Variants in WDR45B observed in about 807,000 individuals in gnomAD.
WDR45B encodes the protein WD repeat domain 45B.
In WDR45B, 20 loss-of-function variants were observed where a neutral mutation model predicts 44.6. That is an observed-to-expected ratio of 0.45 (90% CI 0.32 to 0.65). The LOEUF is 0.65. Ranked by LOEUF, WDR45B falls within the 30% of genes least tolerant of loss-of-function variation. WDR45B has a pLI of 0.05. For missense variants in WDR45B, 323 were observed against 430.2 expected, an observed-to-expected ratio of 0.75 and a Z score of 2.20; for synonymous variants, 169 against 164.9, an observed-to-expected ratio of 1.02 and a Z score of -0.19.
intron 6 of WDR45B, 123 bp from the exon 7 acceptor site, chr17:82,619,251 TCTACTACTTAA>T: frequency 3.7e-6 from 2 of 542,280 alleles, no homozygotes; most frequent in Non-Finnish European, 6.1e-6. Context: ...ACCCACATCA[TCTACTACTTAA>T]CTTTCTCCTC....
rs1392750765 is a variant in WDR45B at position 82,615,742 on chromosome 17, C to T, written c.*177G>A. 1 of 643,668 alleles carries T rather than the reference C, an allele frequency of 1.6e-6. No individual in the cohort carries two copies. Among genetic ancestry groups the T allele is most frequent in the African/African-American group, 1.8e-5 (1 of 54,778 alleles). The allele number at this position is 643,668 out of a possible 1,614,324, so 39.9% of individuals were successfully genotyped here. A position where few individuals can be genotyped will look rare whatever the true frequency, so the allele number is the denominator to read the frequency against. ...CCTACGGTGCCTTGATGATGATTCTCTCTTTAATACTGGAAATGGGAGTCC... is the reference window on the plus strand; with the variant it reads ...CCTACGGTGCCTTGATGATGATTCTTTCTTTAATACTGGAAATGGGAGTCC... On this transcript the variant is annotated 3_prime_UTR_variant, in exon 10 of 10. Coordinates refer to ENST00000392325, the MANE Select transcript of WDR45B (RefSeq NM_019613.4).
intron 2 of WDR45B, among the ~76,000 whole-genome samples, chr17:82,632,217 A>G (rs1247347054): frequency 6.6e-6 from 1 of 152,080 alleles, no homozygotes; most frequent in Non-Finnish European, 1.5e-5. Flanking sequence ...GCTTGAGTGC[A>G]GTGAAGTGAT....
At chr17:82,635,916 C>T (rs112247815) in intron 2 of WDR45B, among the ~76,000 whole-genome samples, 15,955 of 151,582 alleles carry the variant, frequency 0.11, 964 homozygotes, top group Non-Finnish European at 0.12. Context: ...GGAAAACCCC[C>T]GTCTCTACTA....
In WDR45B at chr17:82,644,047, C is replaced by T. The variant is rs753211313; in HGVS notation, c.68-24G>A. The T allele has an allele frequency of 3.1e-6, 5 of 1,612,254 alleles. No individual in the cohort carries two copies. The African/African-American group carries it at 6.7e-5, about 22-fold the overall frequency. ...TCCTAAAGCAGAAGTGTAAAAGAGACATTAATCCCCAGGCCTGGAGTGGTT... is the reference window on the plus strand; with the variant it reads ...TCCTAAAGCAGAAGTGTAAAAGAGATATTAATCCCCAGGCCTGGAGTGGTT... On this transcript the variant is annotated intron_variant, in intron 1 of 9. Coordinates refer to ENST00000392325, the MANE Select transcript of WDR45B (RefSeq NM_019613.4).
chr17:82,648,407 C>A lies in WDR45B; in HGVS notation c.-67G>T, dbSNP rs1349269830. ...CTCTCGCTGGGGACGGCGGCCTGGTCCCTTCGGGCCGGCGCTGAGGCCGCC... is the reference window on the plus strand; with the variant it reads ...CTCTCGCTGGGGACGGCGGCCTGGTACCTTCGGGCCGGCGCTGAGGCCGCC... On this transcript the variant is annotated 5_prime_UTR_variant, in exon 1 of 10. Transcript: ENST00000392325. 2 of 1,564,404 alleles carry A rather than the reference C, an allele frequency of 1.3e-6. No homozygotes were observed. Among genetic ancestry groups the A allele is most frequent in the South Asian group, 1.2e-5 (1 of 86,612 alleles).
intron 2 of WDR45B, among the ~76,000 whole-genome samples, chr17:82,641,015 G>A (rs1439569580): frequency 1.4e-5 from 2 of 140,300 alleles, no homozygotes; most frequent in Non-Finnish European, 3.0e-5. Flanking sequence ...GCCCAGGATG[G>A]AGTGCAGTGG....
At chr17:82,617,106 T>C (rs1432775488) in intron 8 of WDR45B, among the ~76,000 whole-genome samples, 190 bp downstream of exon 8, 1 of 152,194 alleles carries the variant, frequency 6.6e-6, no homozygotes, top group East Asian at 1.9e-4. Flanking sequence ...CATGAGCCAC[T>C]GTGCCCAGCC....
At chr17:82,647,175 G>A (rs1444038680) in intron 1 of WDR45B, among the ~76,000 whole-genome samples, 1 of 152,160 alleles carries the variant, frequency 6.6e-6, no homozygotes, top group Non-Finnish European at 1.5e-5. Context: ...GTTGCAGTGA[G>A]TCGAGATCGC....
chr17:82,622,741 A>T (rs2045636012), intron 5 of WDR45B, among the ~76,000 whole-genome samples: 1 of 151,828 alleles, frequency 6.6e-6, no homozygotes, highest in East Asian at 1.9e-4. Context: ...TTTTTTGTAA[A>T]GTAAGAAGAT....
chr17:82,637,451 C>T (rs1052602644), intron 2 of WDR45B, among the ~76,000 whole-genome samples: 1 of 152,036 alleles, frequency 6.6e-6, no homozygotes, highest in East Asian at 1.9e-4. Flanking sequence ...ACAGCAAACC[C>T]CAGCTGGTCT....
intron 4 of WDR45B, 169 bp from the exon 5 acceptor site, chr17:82,625,652 G>C: frequency 1.4e-6 from 1 of 692,490 alleles, no homozygotes; most frequent in Non-Finnish European, 2.5e-6. Flanking sequence ...CAGGCCTGGA[G>C]CTCGGCGAGT....
In WDR45B at chr17:82,625,373, C is replaced by G; in HGVS notation, c.427+16G>C. ...GGACCCATTTCCCATCGCCACCCGT[C>G]TGCTCAATCTCTCACCTTTGGGGTT... On this transcript the variant is annotated intron_variant, in intron 5 of 9. Transcript: ENST00000392325. The G allele has an allele frequency of 6.2e-7, 1 of 1,613,476 alleles. No individual in the cohort carries two copies. The highest frequency in any genetic ancestry group is 1.1e-5 in the South Asian group (1 of 91,066).
intron 4 of WDR45B, chr17:82,626,971 G>A (rs1222217675): frequency 1.8e-5 from 10 of 566,894 alleles, no homozygotes; most frequent in South Asian, 1.2e-4. Flanking sequence ...TGTGGCGCAC[G>A]TCATCCACGC....
At chr17:82,643,857 G>GCCAT in intron 2 of WDR45B, 92 bp downstream of exon 2, 1 of 1,262,520 alleles carries the variant, frequency 7.9e-7, no homozygotes, top group Non-Finnish European at 1.1e-6. Context: ...CTCGAAAACA[G>GCCAT]CCATCCCTTC....
At chr17:82,645,157 T>C (rs1365406146) in intron 1 of WDR45B, among the ~76,000 whole-genome samples, 1 of 151,720 alleles carries the variant, frequency 6.6e-6, no homozygotes, top group Admixed American at 6.6e-5. Flanking sequence ...AATTAGCCAG[T>C]CGTGGTGGTG....
intron 5 of WDR45B, among the ~76,000 whole-genome samples, chr17:82,622,005 A>G (rs2045625816): frequency 6.6e-6 from 1 of 152,200 alleles, no homozygotes; most frequent in African/African-American, 2.4e-5. Context: ...CCTCCTCATA[A>G]TCAAGACATC....
chr17:82,623,130 G>A (rs2045641635), intron 5 of WDR45B, among the ~76,000 whole-genome samples: 1 of 152,172 alleles, frequency 6.6e-6, no homozygotes, highest in Non-Finnish European at 1.5e-5. Flanking sequence ...AGTGGCTCAC[G>A]CCTGTAATCC....
intron 2 of WDR45B, among the ~76,000 whole-genome samples, chr17:82,638,593 T>C (rs1365853299): frequency 1.3e-5 from 2 of 151,942 alleles, no homozygotes; most frequent in Non-Finnish European, 2.9e-5. Context: ...TAAGAGATGC[T>C]TGAAAAATGA....
intron 7 of WDR45B, 90 bp from the exon 8 acceptor site, chr17:82,617,487 A>G: frequency 1.6e-6 from 2 of 1,287,996 alleles, no homozygotes; most frequent in African/African-American, 2.9e-5. Context: ...ACTGTGGAAC[A>G]CCTCAACATT....
Sources: gnomAD v4.1 joint callset for allele counts (sites outside exome capture counted in the v4.1 genomes callset) on GRCh38, gnomAD v4.1.1 for gene constraint, MANE v1.5 for transcripts, NCBI Gene and HGNC (gene_info 2026-07-23, HGNC 2026-07-21) for gene names.